ADCK1: variants seen among roughly 807,000 people sequenced by gnomAD.
ADCK1 encodes the protein aarF domain-containing protein kinase 1.
Under a neutral mutation model 52.3 loss-of-function variants are expected in ADCK1, and 41 were observed. That is an observed-to-expected ratio of 0.78 (90% CI 0.61 to 1.02). The LOEUF is 1.02. ADCK1 is among the 50% of genes least tolerant of loss of function. ADCK1 has a pLI of 0.00. For synonymous variants in ADCK1, 250 were observed against 274.6 expected (o/e 0.91, Z 0.89); for missense variants, 658 against 679.5 (o/e 0.97, Z 0.35).
At chr14:77,862,390 C>T (rs1012675230) in intron 4 of ADCK1, among the ~76,000 whole-genome samples, 3 of 152,106 alleles carry the variant, frequency 2.0e-5, no homozygotes, top group African/African-American at 7.2e-5. Flanking sequence ...CAGCAGATGG[C>T]GCCTGAGCTT....
chr14:77,816,564 G>C (rs1419136614), intron 1 of ADCK1, among the ~76,000 whole-genome samples: 3 of 152,178 alleles, frequency 2.0e-5, no homozygotes, highest in Non-Finnish European at 2.9e-5. Context: ...GGAGTGTGGT[G>C]CGCCTAGGGA....
intron 3 of ADCK1, among the ~76,000 whole-genome samples, chr14:77,858,562 A>G (rs2082473485): frequency 6.6e-6 from 1 of 152,062 alleles, no homozygotes; most frequent in South Asian, 2.1e-4. Flanking sequence ...TAGCAACAAA[A>G]CGACGGAGTT....
chr14:77,818,906 C>T, intron 1 of ADCK1, 62 bp from the exon 2 acceptor site: 1 of 1,573,894 alleles, frequency 6.4e-7, no homozygotes, highest in Non-Finnish European at 8.7e-7. Context: ...ATTTGAACTT[C>T]AGTTTGACTA....
At chr14:77,810,073 T>G (rs1164092294) in intron 1 of ADCK1, among the ~76,000 whole-genome samples, 1 of 151,670 alleles carries the variant, frequency 6.6e-6, no homozygotes, top group East Asian at 1.9e-4. Context: ...AAGAGAGTCT[T>G]ATTTACTGGG....
At chr14:77,886,602 C>T (rs747838655) in intron 4 of ADCK1, among the ~76,000 whole-genome samples, 5 of 152,066 alleles carry the variant, frequency 3.3e-5, no homozygotes, top group Non-Finnish European at 5.9e-5. Flanking sequence ...CAGGCAAGAC[C>T]CTGGGCTGGT....
At chr14:77,859,335 C>T (rs978805861) in intron 4 of ADCK1, 56 bp downstream of exon 4, 49 of 1,536,964 alleles carry the variant, frequency 3.2e-5, no homozygotes, top group Admixed American at 7.6e-5. Flanking sequence ...GAAAAGGCCC[C>T]GGCTGAATTC....
intron 5 of ADCK1, among the ~76,000 whole-genome samples, chr14:77,894,471 A>G (rs555817528): frequency 6.6e-6 from 1 of 152,186 alleles, no homozygotes; most frequent in Non-Finnish European, 1.5e-5. Flanking sequence ...TTCCTATTGT[A>G]TTGTCCTGTG....
At chr14:77,922,244 G>A (rs1183649242) in intron 7 of ADCK1, among the ~76,000 whole-genome samples, 1 of 152,194 alleles carries the variant, frequency 6.6e-6, no homozygotes, top group Non-Finnish European at 1.5e-5. Context: ...GAAGCAGACA[G>A]TGGTGGCCCT....
At chr14:77,812,700 G>A (rs920781566) in intron 1 of ADCK1, among the ~76,000 whole-genome samples, 13 of 151,078 alleles carry the variant, frequency 8.6e-5, no homozygotes, top group African/African-American at 2.7e-4. Flanking sequence ...AGCAATTCTC[G>A]TGCTTTAGCC....
intron 4 of ADCK1, among the ~76,000 whole-genome samples, chr14:77,880,840 C>A (rs1343295198): frequency 1.3e-5 from 2 of 152,214 alleles, no homozygotes; most frequent in Non-Finnish European, 2.9e-5. Context: ...GTTAAGTACA[C>A]CCTATGTAAT....
intron 1 of ADCK1, among the ~76,000 whole-genome samples, chr14:77,810,732 C>T (rs1012829819): frequency 1.3e-5 from 2 of 151,838 alleles, no homozygotes; most frequent in Admixed American, 6.6e-5. Context: ...GGGGTTTCAC[C>T]GTGTTAGCCA....
intron 4 of ADCK1, among the ~76,000 whole-genome samples, chr14:77,884,640 C>T (rs186932807): frequency 6.6e-5 from 10 of 152,280 alleles, no homozygotes; most frequent in South Asian, 2.1e-4. Flanking sequence ...GCTCAAACAC[C>T]GTGGCCCGGG....
rs909999407 is a variant in ADCK1 at position 77,850,601 on chromosome 14, A to C, written c.220-8475A>C. ...TCTGAAATCAATTTTGTCTGCTATAAATATAGCTGTTTCAGCTTTCTTTTG... is the reference window on the plus strand; with the variant it reads ...TCTGAAATCAATTTTGTCTGCTATACATATAGCTGTTTCAGCTTTCTTTTG... On this transcript the variant is annotated intron_variant, in intron 3 of 10. Coordinates refer to ENST00000238561, the MANE Select transcript of ADCK1 (RefSeq NM_020421.4). Among the ~76,000 whole-genome samples the C allele has an allele frequency of 2.6e-5, 4 of 151,532 alleles. No homozygotes were observed. The South Asian group carries it at 8.3e-4, about 32-fold the overall frequency.
rs1251937405 is a variant in ADCK1 at position 77,923,054 on chromosome 14, C to T, written c.859-1403C>T. On this transcript the variant is annotated intron_variant, in intron 7 of 10. Coordinates refer to ENST00000238561, the MANE Select transcript of ADCK1 (RefSeq NM_020421.4). This position sits in a 1 kb window ranked among gnomAD's most constrained non-coding sequence, Gnocchi z 4.3. ...AGTCTGTGGTCCATAAATTATACCT[C>T]AACAAAGCTGTTTAATAAAGCAGAG... Among the ~76,000 whole-genome samples, 4 of 152,212 alleles carry T rather than the reference C, an allele frequency of 2.6e-5. No individual in the cohort carries two copies. Among genetic ancestry groups the T allele is most frequent in the African/African-American group, 7.2e-5 (3 of 41,450 alleles).
At chr14:77,877,135 C>T (rs546735542) in intron 4 of ADCK1, among the ~76,000 whole-genome samples, 80 of 152,262 alleles carry the variant, frequency 5.3e-4, no homozygotes, top group African/African-American at 1.8e-3. Context: ...GAATCACTTG[C>T]ACCTGGGAGG....
chr14:77,894,736 G>GTTTTTTCTTTTTTTTTTTTTTTT (rs2083365276), intron 5 of ADCK1, among the ~76,000 whole-genome samples: 1 of 36,484 alleles, frequency 2.7e-5, no homozygotes, highest in African/African-American at 7.5e-5. Context: ...TTCTTTTCTT[G>GTTTTTTCTTTTTTTTTTTTTTTT]TTTTTTTTTT....
intron 4 of ADCK1, among the ~76,000 whole-genome samples, chr14:77,866,597 C>T (rs1312313914): frequency 6.6e-6 from 1 of 152,092 alleles, no homozygotes; most frequent in Non-Finnish European, 1.5e-5. Flanking sequence ...AGTATGTGCT[C>T]TTGGTCTCCA....
rs570440075 is a variant in ADCK1, at chr14:77,867,197, C to G, written c.423+7918C>G. On this transcript the variant is annotated intron_variant, in intron 4 of 10. Coordinates refer to ENST00000238561, the MANE Select transcript of ADCK1 (RefSeq NM_020421.4). ...TCACGGGCCCAAAGCTACCTGGAAACCTTTGGCGGTCTGTAGACTTGCTTC... is the reference window on the plus strand; with the variant it reads ...TCACGGGCCCAAAGCTACCTGGAAAGCTTTGGCGGTCTGTAGACTTGCTTC... Among the ~76,000 whole-genome samples, 45 of 152,344 alleles carry G rather than the reference C, an allele frequency of 3.0e-4. 2 individuals carry two copies. The South Asian group carries it at 9.1e-3, about 31-fold the overall frequency.
intron 3 of ADCK1, among the ~76,000 whole-genome samples, chr14:77,852,999 C>T (rs1428004469): frequency 7.1e-6 from 1 of 140,724 alleles, no homozygotes; most frequent in Non-Finnish European, 1.5e-5. Context: ...CCCATCGTCC[C>T]CCTTGGCCTC....
Sources: allele counts gnomAD v4.1 joint callset (sites outside exome capture counted in the v4.1 genomes callset), GRCh38; gene constraint gnomAD v4.1.1; non-coding constraint Gnocchi (gnomAD v3.1); transcripts MANE v1.5; gene names NCBI Gene and HGNC (gene_info 2026-07-23, HGNC 2026-07-21).